Variants in MKLN1 observed in about 807,000 individuals in gnomAD.
MKLN1 encodes muskelin 1.
In MKLN1, 18 loss-of-function variants were observed where a neutral mutation model predicts 99.0. The ratio of observed to expected loss-of-function variants is 0.18; its 90% CI spans 0.13 to 0.27. The LOEUF is 0.27. Among genes scored for constraint, MKLN1 ranks in the 10% least tolerant of loss-of-function variants. The pLI is 1.00. For synonymous variants in MKLN1, 288 were observed against 293.2 expected (o/e 0.98, Z 0.18); for missense variants, 621 against 875.9 (o/e 0.71, Z 3.67).
rs1190775847 is a variant in MKLN1 at position 131,227,485 on chromosome 7, CTCTTTCTTTCTCTTTCTT to C, written c.-179+24523_-179+24540del. The stretch of plus-strand genomic sequence containing the variant: ...TTTCTTTCTTTCTTTCTCTCTTTCT[CTCTTTCTTTCTCTTTCTT>C]TCTTTCTTTCTTTCTTTCTTTCTTT... On this transcript the variant is annotated intron_variant, in intron 3 of 7. Transcript: ENST00000416992. Among the ~76,000 whole-genome samples, 10 of 88,706 alleles carry C rather than the reference CTCTTTCTTTCTCTTTCTT, an allele frequency of 1.1e-4. 1 individual carries two copies. In the East Asian group the frequency reaches 3.0e-3, roughly 26 times the overall value. The allele number at this position is 88,706 out of a possible 152,430, so 58.2% of individuals were successfully genotyped here.
intron 1 of MKLN1, among the ~76,000 whole-genome samples, chr7:131,116,437 G>A (rs926319472): frequency 2.4e-4 from 37 of 151,946 alleles, no homozygotes; most frequent in Non-Finnish European, 4.7e-4. Context: ...AAAATGAAAC[G>A]AAATGGAATA....
At chr7:131,128,582 T>A (rs56301525) in intron 1 of MKLN1, among the ~76,000 whole-genome samples, 77,123 of 152,002 alleles carry the variant, frequency 0.51, 20,958 homozygotes, top group East Asian at 0.79. Flanking sequence ...CTTATGTAGA[T>A]AAGGCAGTAG....
At chr7:131,391,628 T>C (rs1451766774) in intron 4 of MKLN1, among the ~76,000 whole-genome samples, 1 of 152,208 alleles carries the variant, frequency 6.6e-6, no homozygotes, top group African/African-American at 2.4e-5. Flanking sequence ...CTGATGTCAT[T>C]GGACTGCCTT....
chr7:131,426,245 C>T (rs1190105636), intron 8 of MKLN1, among the ~76,000 whole-genome samples: 1 of 152,048 alleles, frequency 6.6e-6, no homozygotes, highest in African/African-American at 2.4e-5. Flanking sequence ...AACCCAGAGC[C>T]CAAGAGGAAG....
At chr7:131,296,932 T>C (rs1002179902) in intron 3 of MKLN1, among the ~76,000 whole-genome samples, 1 of 151,700 alleles carries the variant, frequency 6.6e-6, no homozygotes, top group Non-Finnish European at 1.5e-5. Context: ...AGAGATGGAG[T>C]TTCACTGTGT....
At chr7:131,133,605 G>T (rs1287474552) in intron 1 of MKLN1, among the ~76,000 whole-genome samples, 6 of 150,916 alleles carry the variant, frequency 4.0e-5, no homozygotes, top group Non-Finnish European at 8.9e-5. Context: ...GCCCGCCTCG[G>T]CCTCCCAAAG....
intron 16 of MKLN1, among the ~76,000 whole-genome samples, chr7:131,476,662 C>T (rs992439807): frequency 6.6e-6 from 1 of 152,170 alleles, no homozygotes; most frequent in African/African-American, 2.4e-5. Context: ...TGCCCATTTT[C>T]CCCAAATTGG....
intron 1 of MKLN1, among the ~76,000 whole-genome samples, chr7:131,331,691 T>C (rs1295907776): frequency 6.6e-6 from 1 of 152,160 alleles, no homozygotes; most frequent in African/African-American, 2.4e-5. Context: ...TGACTTCTGT[T>C]ACGAAAGCTG....
chr7:131,470,173 T>G (rs2116639189), intron 15 of MKLN1, among the ~76,000 whole-genome samples: 1 of 151,846 alleles, frequency 6.6e-6, no homozygotes, highest in African/African-American at 2.4e-5. Flanking sequence ...TGTTTTTTTG[T>G]TTTTTTTGTG....
intron 15 of MKLN1, among the ~76,000 whole-genome samples, chr7:131,470,506 G>C (rs1300961234): frequency 1.3e-5 from 2 of 152,148 alleles, no homozygotes; most frequent in African/African-American, 2.4e-5. Flanking sequence ...ATTTTCTGAA[G>C]TTCTGTTTTA....
Position 131,366,286 on chromosome 7 carries a change from G to A in MKLN1, c.99-9138G>A, listed in dbSNP as rs570897188. Among the ~76,000 whole-genome samples the A allele has an allele frequency of 1.6e-4, 25 of 152,084 alleles. No homozygotes were observed. In the South Asian group the frequency reaches 3.1e-3, roughly 19 times the overall value. ...TTCAACAAAAAGGCAGGCTTTAGAA[G>A]GATGTTTTTAAACTACCAAAGGAAA... is the stretch of plus-strand genomic sequence containing the variant. On this transcript the variant is annotated intron_variant, in intron 1 of 17. Transcript: ENST00000352689.
intron 3 of MKLN1, among the ~76,000 whole-genome samples, chr7:131,267,139 C>T (rs1265372010): frequency 6.6e-6 from 1 of 151,892 alleles, no homozygotes; most frequent in African/African-American, 2.4e-5. Flanking sequence ...TTGAGACCAG[C>T]TTGGCCAACA....
intron 1 of MKLN1, among the ~76,000 whole-genome samples, chr7:131,368,810 A>C (rs972011820): frequency 1.3e-5 from 2 of 152,170 alleles, no homozygotes; most frequent in Non-Finnish European, 2.9e-5. Flanking sequence ...TATTATTTTC[A>C]ACAATAACTT....
intron 3 of MKLN1, among the ~76,000 whole-genome samples, chr7:131,227,417 C>G (rs953998422): frequency 6.8e-6 from 1 of 146,300 alleles, no homozygotes; most frequent in African/African-American, 2.5e-5. Context: ...TTCCCTCTCT[C>G]TCTTTCTCCC....
intron 3 of MKLN1, among the ~76,000 whole-genome samples, chr7:131,309,580 T>C (rs1054229515): frequency 6.6e-6 from 1 of 151,892 alleles, no homozygotes. Flanking sequence ...AGCTGGCTAA[T>C]TGTTGTATTT....
chr7:131,199,016 G>C (rs181391980), intron 2 of MKLN1, among the ~76,000 whole-genome samples: 1 of 152,142 alleles, frequency 6.6e-6, no homozygotes, highest in East Asian at 1.9e-4. Flanking sequence ...GTTATGAGAG[G>C]AGGGGAACTA....
rs543363786 is a variant in MKLN1 at position 131,382,191 on chromosome 7, C to A, written c.169-4929C>A. Among the ~76,000 whole-genome samples, 7 of 152,086 alleles carry A rather than the reference C, an allele frequency of 4.6e-5. No homozygotes were observed. The South Asian group carries it at 8.3e-4, about 18-fold the overall frequency. On this transcript the variant is annotated intron_variant, in intron 2 of 17. Coordinates refer to ENST00000352689, the MANE Select transcript of MKLN1 (RefSeq NM_013255.5). The stretch of plus-strand genomic sequence containing the variant: ...ACCAGCCTGGCCAACATGGCGAAAC[C>A]CCATATCCATAAAATTACAAAAAAT...
chr7:131,309,832 T>C (rs1798532074), intron 3 of MKLN1: 1 of 149,880 alleles, frequency 6.7e-6, no homozygotes, highest in African/African-American at 2.5e-5. Flanking sequence ...TTCACGCCTT[T>C]CTCCTGCCTC....
intron 8 of MKLN1, among the ~76,000 whole-genome samples, chr7:131,422,339 G>A (rs1795230715): frequency 6.6e-6 from 1 of 152,148 alleles, no homozygotes; most frequent in Non-Finnish European, 1.5e-5. Context: ...CTTGAGGCTG[G>A]GAGTTCGAGA....
Sources: allele counts gnomAD v4.1 joint callset (sites outside exome capture counted in the v4.1 genomes callset), GRCh38; gene constraint gnomAD v4.1.1; transcripts MANE v1.5; gene names NCBI Gene and HGNC (gene_info 2026-07-23, HGNC 2026-07-21).